CUX1: variants seen among roughly 807,000 people sequenced by gnomAD.
CUX1 encodes cut like homeobox 1.
A neutral mutation model predicts 158.8 loss-of-function variants in CUX1; 31 were observed. That is an observed-to-expected ratio of 0.20 (90% CI 0.15 to 0.26). CUX1 has a LOEUF of 0.26. Ranked by LOEUF, CUX1 falls within the 10% of genes least tolerant of loss-of-function variation. The pLI is 1.00. For missense variants in CUX1, 1,589 were observed against 2,014.6 expected (o/e 0.79, Z 4.04); for synonymous variants, 879 against 862.1 (o/e 1.02, Z -0.34).
intron 2 of CUX1, among the ~76,000 whole-genome samples, chr7:101,951,136 C>T (rs1041124797): frequency 2.0e-5 from 3 of 152,086 alleles, no homozygotes; most frequent in African/African-American, 7.2e-5. Flanking sequence ...TCTAGACCAG[C>T]CTGGGCAACA....
chr7:102,058,333 G>A (rs1218898789), intron 3 of CUX1, among the ~76,000 whole-genome samples: 1 of 152,140 alleles, frequency 6.6e-6, no homozygotes, highest in East Asian at 1.9e-4. Flanking sequence ...GAGTACAGTG[G>A]CACAATCTCG....
At chr7:102,021,732 T>C (rs1431678627) in intron 2 of CUX1, among the ~76,000 whole-genome samples, 1 of 151,718 alleles carries the variant, frequency 6.6e-6, no homozygotes, top group Non-Finnish European at 1.5e-5. Context: ...TAATTTCGTA[T>C]TTTTTGTTAG....
chr7:101,987,075 G>C (rs1346353500), intron 2 of CUX1, among the ~76,000 whole-genome samples: 1 of 152,160 alleles, frequency 6.6e-6, no homozygotes, highest in African/African-American at 2.4e-5. Flanking sequence ...CTGTGCCTCA[G>C]CTCAGGCCTT....
At chr7:102,216,962 T>C (rs938766539) in intron 20 of CUX1, among the ~76,000 whole-genome samples, 5 of 152,214 alleles carry the variant, frequency 3.3e-5, no homozygotes, top group Non-Finnish European at 7.3e-5. Flanking sequence ...AGGCTTTGTT[T>C]TTTCCCGTCT....
chr7:102,134,579 C>G (rs1158961757), intron 8 of CUX1, among the ~76,000 whole-genome samples: 1 of 152,140 alleles, frequency 6.6e-6, no homozygotes. Context: ...TTTCCCCCAC[C>G]GCTTTGCACA....
intron 8 of CUX1, among the ~76,000 whole-genome samples, chr7:102,126,780 C>T (rs756439303): frequency 6.6e-6 from 1 of 151,812 alleles, no homozygotes; most frequent in Non-Finnish European, 1.5e-5. Context: ...GATTCAAGCA[C>T]GTTCTATTTA....
Position 102,255,536 on chromosome 7 carries a change from A to G in CUX1, c.*6494A>G, listed in dbSNP as rs1398530513. On this transcript the variant is annotated 3_prime_UTR_variant, in exon 24 of 24. Transcript: ENST00000292535. ...TCCTTTTAGTTTACCCGATAATGTT[A>G]AGAAAGCATTAGTCTACGTTACTGT... is the stretch of plus-strand genomic sequence containing the variant. 2 of 985,410 alleles carry G rather than the reference A, an allele frequency of 2.0e-6. No individual in the cohort carries two copies. Among genetic ancestry groups the G allele is most frequent in the Non-Finnish European group, 2.4e-6 (2 of 829,932 alleles). 61.0% of individuals were successfully genotyped at this position (985,410 alleles called of 1,614,324 possible). A position where few individuals can be genotyped will look rare whatever the true frequency, so the allele number is the denominator to read the frequency against.
intron 23 of CUX1, among the ~76,000 whole-genome samples, chr7:102,245,800 C>T (rs907927264): frequency 3.6e-4 from 55 of 151,992 alleles, no homozygotes; most frequent in African/African-American, 1.3e-3. Context: ...GGTGAAACCC[C>T]GTCTCTATTA....
intron 1 of CUX1, among the ~76,000 whole-genome samples, chr7:101,822,699 G>C (rs528594764): frequency 5.3e-5 from 8 of 152,080 alleles, no homozygotes; most frequent in African/African-American, 1.9e-4. Context: ...TCAGAAGTTC[G>C]AGACCAGCCT....
chr7:101,887,349 C>T (rs192268661), intron 1 of CUX1, among the ~76,000 whole-genome samples: 82 of 151,794 alleles, frequency 5.4e-4, no homozygotes, highest in Non-Finnish European at 9.9e-4. Flanking sequence ...GCTCTGTTGC[C>T]AGGCTACAGT....
At chr7:102,010,906 T>C (rs1352356931) in intron 2 of CUX1, among the ~76,000 whole-genome samples, 1 of 151,594 alleles carries the variant, frequency 6.6e-6, no homozygotes, top group Non-Finnish European at 1.5e-5. Flanking sequence ...AGGTCGAGAG[T>C]GTGAGACCAG....
At chr7:101,819,297 A>G (rs1792211702) in intron 1 of CUX1, among the ~76,000 whole-genome samples, 1 of 152,208 alleles carries the variant, frequency 6.6e-6, no homozygotes, top group Admixed American at 6.5e-5. Flanking sequence ...ATTTGAAAGG[A>G]GGACACTTTC....
chr7:102,065,711 C>A (rs1234338715), intron 3 of CUX1, among the ~76,000 whole-genome samples: 1 of 152,118 alleles, frequency 6.6e-6, no homozygotes, highest in African/African-American at 2.4e-5. Context: ...TGTGATACAG[C>A]TCTGATGAGT....
intron 2 of CUX1, among the ~76,000 whole-genome samples, chr7:102,017,779 G>A (rs751565745): frequency 2.0e-5 from 3 of 152,052 alleles, no homozygotes; most frequent in South Asian, 2.1e-4. Flanking sequence ...CCTGGGAGGC[G>A]GAGGTTGCAG....
At chr7:102,240,207 G>T (rs1800040578) in intron 23 of CUX1, among the ~76,000 whole-genome samples, 1 of 152,140 alleles carries the variant, frequency 6.6e-6, no homozygotes. Flanking sequence ...AGGCATTCAT[G>T]GTTCAAAAGG....
chr7:102,086,694 C>T (rs1356216098), intron 4 of CUX1, among the ~76,000 whole-genome samples: 3 of 152,032 alleles, frequency 2.0e-5, no homozygotes, highest in Admixed American at 2.0e-4. Flanking sequence ...ACTGCAACCT[C>T]TGCCTCCCGG....
intron 1 of CUX1, among the ~76,000 whole-genome samples, chr7:101,903,036 C>T (rs6961094): frequency 0.086 from 13,060 of 152,254 alleles, 745 homozygotes; most frequent in Non-Finnish European, 0.13. Flanking sequence ...GTTTCCCGGG[C>T]ATTTGTTTCA....
At chr7:102,032,154 C>A (rs987095471) in intron 3 of CUX1, among the ~76,000 whole-genome samples, 1 of 151,836 alleles carries the variant, frequency 6.6e-6, no homozygotes, top group African/African-American at 2.4e-5. Flanking sequence ...GTCTTGAACT[C>A]CTGAGCTCCA....
intron 11 of CUX1, among the ~76,000 whole-genome samples, chr7:102,186,104 C>A (rs1563370841): frequency 6.6e-6 from 1 of 152,132 alleles, no homozygotes; most frequent in Non-Finnish European, 1.5e-5. Flanking sequence ...TTTCTGGGAA[C>A]CCAACAAGGA....
Sources: gnomAD v4.1 joint callset for allele counts (sites outside exome capture counted in the v4.1 genomes callset) on GRCh38, gnomAD v4.1.1 for gene constraint, MANE v1.5 for transcripts, NCBI Gene and HGNC (gene_info 2026-07-23, HGNC 2026-07-21) for gene names.